Variants in CCDC6 observed in about 807,000 individuals in gnomAD.
CCDC6 encodes the protein coiled-coil domain containing 6.
CCDC6 carries 20 observed loss-of-function variants against 56.6 expected under a neutral mutation model. That is an observed-to-expected ratio of 0.35 (90% CI 0.25 to 0.51). The LOEUF (loss-of-function observed/expected upper bound fraction) is 0.51, where lower values mean the gene tolerates loss of function less well. Ranked by LOEUF, CCDC6 falls within the 20% of genes least tolerant of loss-of-function variation. The pLI is 0.95. For synonymous variants in CCDC6, 241 were observed against 234.4 expected (o/e 1.03, Z -0.26); for missense variants, 367 against 601.1 (o/e 0.61, Z 4.07).
At chr10:59,853,259 G>A (rs768883377) in intron 1 of CCDC6, among the ~76,000 whole-genome samples, 13 of 152,218 alleles carry the variant, frequency 8.5e-5, no homozygotes, top group Non-Finnish European at 1.3e-4. Flanking sequence ...TGGGCCAGGT[G>A]CAGTGACTTA....
intron 1 of CCDC6, among the ~76,000 whole-genome samples, chr10:59,864,343 A>C (rs187362804): frequency 6.6e-6 from 1 of 152,336 alleles, no homozygotes; most frequent in East Asian, 1.9e-4. Flanking sequence ...AAAGCATAAC[A>C]ACCAAACAAT....
At chr10:59,885,605 C>G (rs905299147) in intron 1 of CCDC6, among the ~76,000 whole-genome samples, 3 of 152,170 alleles carry the variant, frequency 2.0e-5, no homozygotes, top group African/African-American at 7.2e-5. Context: ...ACATCCCGAT[C>G]TCACTCTGAC....
At chr10:59,860,104 C>G (rs543599567) in intron 1 of CCDC6, among the ~76,000 whole-genome samples, 68 of 152,124 alleles carry the variant, frequency 4.5e-4, no homozygotes, top group Non-Finnish European at 7.6e-4. Flanking sequence ...AATAAAATAC[C>G]TCAAGCCACT....
At chr10:59,881,081 C>T (rs1428708545) in intron 1 of CCDC6, among the ~76,000 whole-genome samples, 2 of 152,172 alleles carry the variant, frequency 1.3e-5, no homozygotes, top group Non-Finnish European at 2.9e-5. Context: ...CCCAGCAGGT[C>T]CCAACAGTCT....
At chr10:59,859,363 A>G (rs552717439) in intron 1 of CCDC6, among the ~76,000 whole-genome samples, 1 of 152,236 alleles carries the variant, frequency 6.6e-6, no homozygotes, top group African/African-American at 2.4e-5. Flanking sequence ...ACTCCCCTAA[A>G]TCCTCATCAT....
chr10:59,806,297 A>G (rs1040171272), intron 6 of CCDC6: 2 of 152,252 alleles, frequency 1.3e-5, no homozygotes, highest in Non-Finnish European at 2.9e-5. Flanking sequence ...CAAATACTTG[A>G]GACCATTTCT....
chr10:59,801,713 T>A (rs2070577897), intron 7 of CCDC6, among the ~76,000 whole-genome samples: 1 of 152,208 alleles, frequency 6.6e-6, no homozygotes, highest in Non-Finnish European at 1.5e-5. Context: ...TTTATTCATA[T>A]CAGTATGGAC....
intron 1 of CCDC6, among the ~76,000 whole-genome samples, chr10:59,905,455 C>A (rs923447215): frequency 6.6e-6 from 1 of 152,198 alleles, no homozygotes; most frequent in African/African-American, 2.4e-5. Context: ...CCTGTCCAGG[C>A]GTGGATGCTG....
At chr10:59,841,109 C>T (rs1490145924) in intron 2 of CCDC6, among the ~76,000 whole-genome samples, 3 of 152,180 alleles carry the variant, frequency 2.0e-5, no homozygotes, top group African/African-American at 7.2e-5. Context: ...CCTCCAGACC[C>T]ATTACCTCCC....
chr10:59,827,097 A>G (rs936398389), intron 3 of CCDC6, among the ~76,000 whole-genome samples: 1 of 152,206 alleles, frequency 6.6e-6, no homozygotes, highest in Non-Finnish European at 1.5e-5. Flanking sequence ...GACGCTAGTA[A>G]GGCTTGAGCA....
intron 1 of CCDC6, among the ~76,000 whole-genome samples, chr10:59,897,994 T>C (rs938576523): frequency 3.3e-5 from 5 of 152,208 alleles, no homozygotes; most frequent in Admixed American, 6.5e-5. Context: ...CAAGGCTGGA[T>C]TGATCTGGAA....
intron 2 of CCDC6, among the ~76,000 whole-genome samples, chr10:59,834,271 G>A (rs764744643): frequency 1.3e-5 from 2 of 152,116 alleles, no homozygotes; most frequent in South Asian, 2.1e-4. Context: ...AGGGGCTCAC[G>A]CCTGTAATCC....
rs568972157 is a variant in CCDC6 at position 59,892,852 on chromosome 10, A to G, written c.303+13270T>C. ...TAGCCAGAACCTAATTAATAAGCAC[A>G]TAAGTCCTGTAGGGCCTGAATGTCC... is the stretch of plus-strand genomic sequence containing the variant. On this transcript the variant is annotated intron_variant, in intron 1 of 8. Transcript: ENST00000263102. Among the ~76,000 whole-genome samples the G allele has an allele frequency of 6.6e-5, 10 of 152,178 alleles. 1 individual carries two copies. In the South Asian group the frequency reaches 2.1e-3, roughly 32 times the overall value.
chr10:59,860,213 A>G (rs1413568963), intron 1 of CCDC6, among the ~76,000 whole-genome samples: 1 of 152,210 alleles, frequency 6.6e-6, no homozygotes, highest in Non-Finnish European at 1.5e-5. Flanking sequence ...TGTGATGCAA[A>G]GGTAGGAAAC....
At chr10:59,822,780 C>G (rs1023967025) in intron 3 of CCDC6, among the ~76,000 whole-genome samples, 1 of 152,098 alleles carries the variant, frequency 6.6e-6, no homozygotes, top group African/African-American at 2.4e-5. Context: ...AAACCCCATC[C>G]TCAAGCCAAA....
Position 59,790,178 on chromosome 10 carries a change from A to T in CCDC6, c.*2739T>A, listed in dbSNP as rs2070455477. The T allele has an allele frequency of 4.6e-6, 1 of 216,300 alleles. No individual in the cohort carries two copies. Among genetic ancestry groups the T allele is most frequent in the African/African-American group, 2.3e-5 (1 of 44,384 alleles). 13.4% of individuals were successfully genotyped at this position (216,300 alleles called of 1,614,324 possible). A position where few individuals can be genotyped will look rare whatever the true frequency, so the allele number is the denominator to read the frequency against. On this transcript the variant is annotated 3_prime_UTR_variant, in exon 9 of 9. Transcript: ENST00000263102. ...GTTAATTTGGTTTTGTATAAAAGGC[A>T]TGGTAATCTGGCAACAGAGTACTTA...
chr10:59,855,119 A>C (rs1392070680), intron 1 of CCDC6, among the ~76,000 whole-genome samples: 2 of 152,244 alleles, frequency 1.3e-5, no homozygotes, highest in Non-Finnish European at 2.9e-5. Context: ...TGATAAATAG[A>C]AAATAAGAAA....
Position 59,835,455 on chromosome 10 carries a change from A to G in CCDC6, c.454-2802T>C, listed in dbSNP as rs562174495. ...AACAGAGCTCTCAATTTTAGGAGGC[A>G]TTTTCCTCTCAAGAGCTGTACCCTA... On this transcript the variant is annotated intron_variant, in intron 2 of 8. Coordinates refer to ENST00000263102, the MANE Select transcript of CCDC6 (RefSeq NM_005436.5). Among the ~76,000 whole-genome samples, 5 of 152,302 alleles carry G rather than the reference A, an allele frequency of 3.3e-5. No individual in the cohort carries two copies. The East Asian group carries it at 9.7e-4, about 29-fold the overall frequency.
intron 1 of CCDC6, among the ~76,000 whole-genome samples, chr10:59,884,129 C>A (rs2071366201): frequency 1.3e-5 from 2 of 152,092 alleles, no homozygotes; most frequent in African/African-American, 4.8e-5. Context: ...ACTTCTAAGC[C>A]AATTAAGCAA....
Sources: gnomAD v4.1 joint callset for allele counts (sites outside exome capture counted in the v4.1 genomes callset) on GRCh38, gnomAD v4.1.1 for gene constraint, MANE v1.5 for transcripts, NCBI Gene and HGNC (gene_info 2026-07-23, HGNC 2026-07-21) for gene names.